TMEM232: variants seen among roughly 807,000 people sequenced by gnomAD.
The protein encoded by TMEM232 is transmembrane protein 232.
Under a neutral mutation model 78.8 loss-of-function variants are expected in TMEM232, and 80 were observed. The ratio of observed to expected loss-of-function variants is 1.01; its 90% CI spans 0.85 to 1.22. The LOEUF (loss-of-function observed/expected upper bound fraction) is 1.22, where lower values mean the gene tolerates loss of function less well. TMEM232 is among the 50% of genes most tolerant of loss of function. The pLI is 0.00. For synonymous variants in TMEM232, 297 were observed against 254.3 expected (o/e 1.17, Z -1.60); for missense variants, 881 against 742.2 (o/e 1.19, Z -2.17).
intron 1 of TMEM232, among the ~76,000 whole-genome samples, chr5:110,689,091 C>A (rs778568762): frequency 1.3e-5 from 2 of 152,086 alleles, no homozygotes; most frequent in Non-Finnish European, 2.9e-5. Context: ...CCCTCAAAAT[C>A]ATCTTCAGAG....
chr5:110,673,656 C>T (rs1791655247), intron 1 of TMEM232, among the ~76,000 whole-genome samples: 1 of 152,110 alleles, frequency 6.6e-6, no homozygotes, highest in Non-Finnish European at 1.5e-5. Context: ...AGAAGTTGGG[C>T]TGCTTTTTGA....
At chr5:110,542,290 C>T (rs1358670653) in intron 11 of TMEM232, among the ~76,000 whole-genome samples, 4 of 152,104 alleles carry the variant, frequency 2.6e-5, no homozygotes, top group African/African-American at 9.7e-5. Context: ...ATGGATGGAA[C>T]CACTTCCTTT....
At chr5:110,411,276 T>C (rs1202340396) in intron 2 of TMEM232, among the ~76,000 whole-genome samples, 1 of 152,134 alleles carries the variant, frequency 6.6e-6, no homozygotes, top group African/African-American at 2.4e-5. Context: ...TGGAGCTCTC[T>C]CCCATACCAA....
At chr5:110,614,481 A>G (rs1393357001) in intron 8 of TMEM232, among the ~76,000 whole-genome samples, 1 of 152,162 alleles carries the variant, frequency 6.6e-6, no homozygotes, top group Non-Finnish European at 1.5e-5. Context: ...TAATGTTTGC[A>G]ACCTTAAACA....
At chr5:110,494,874 A>G (rs1166090055) in intron 12 of TMEM232, among the ~76,000 whole-genome samples, 1 of 151,876 alleles carries the variant, frequency 6.6e-6, no homozygotes, top group Non-Finnish European at 1.5e-5. Flanking sequence ...AGTATTATTT[A>G]TATAAAGCAA....
chr5:110,593,140 T>G (rs1779730615), intron 10 of TMEM232, among the ~76,000 whole-genome samples: 1 of 152,148 alleles, frequency 6.6e-6, no homozygotes, highest in Non-Finnish European at 1.5e-5. Context: ...TTGTCCATAA[T>G]GTATGGCACT....
At chr5:110,717,702 C>A (rs1561562366) in intron 1 of TMEM232, among the ~76,000 whole-genome samples, 1 of 152,096 alleles carries the variant, frequency 6.6e-6, no homozygotes, top group Non-Finnish European at 1.5e-5. Context: ...GGGGTGGTTT[C>A]TTCCATGCTG....
intron 1 of TMEM232, among the ~76,000 whole-genome samples, chr5:110,689,162 G>C (rs147412979): frequency 3.8e-4 from 58 of 152,194 alleles, no homozygotes; most frequent in African/African-American, 1.3e-3. Flanking sequence ...CTCCAAAAAT[G>C]ATTGAGACTT....
intron 12 of TMEM232, among the ~76,000 whole-genome samples, chr5:110,481,914 A>G (rs1375192873): frequency 6.6e-6 from 1 of 152,204 alleles, no homozygotes; most frequent in Non-Finnish European, 1.5e-5. Context: ...AAAAGAGACA[A>G]CTGGCTCTTA....
intron 3 of TMEM232, among the ~76,000 whole-genome samples, chr5:110,397,003 A>C (rs1230929555): frequency 6.6e-6 from 1 of 152,156 alleles, no homozygotes; most frequent in Non-Finnish European, 1.5e-5. Context: ...TTTATCTCTG[A>C]TTCTGGCTGA....
At position 110,485,878 on chromosome 5, in the gene TMEM232, T is replaced by C. The variant is rs1317309131; in HGVS notation, c.1703+42710A>G. On this transcript the variant is annotated intron_variant, in intron 12 of 13. Coordinates refer to ENST00000455884, the MANE Select transcript of TMEM232 (RefSeq NM_001039763.4). ...AAATGGTAGTTCTAATTTTAGTTCT[T>C]TAAGGAATCTCCACACTGTTTCCAT... Among the ~76,000 whole-genome samples, 4 of 152,170 alleles carry C rather than the reference T, an allele frequency of 2.6e-5. No individual in the cohort carries two copies. The East Asian group carries it at 7.7e-4, about 29-fold the overall frequency.
intron 2 of TMEM232, among the ~76,000 whole-genome samples, chr5:110,402,032 G>A (rs533736406): frequency 6.6e-6 from 1 of 152,094 alleles, no homozygotes; most frequent in South Asian, 2.1e-4. Flanking sequence ...TATGTCTTTG[G>A]CACATGTCTC....
At chr5:110,563,979 G>A (rs927739785) in intron 11 of TMEM232, among the ~76,000 whole-genome samples, 5 of 151,872 alleles carry the variant, frequency 3.3e-5, no homozygotes, top group African/African-American at 1.2e-4. Context: ...TGTACTTATG[G>A]TTAAAAAGCA....
chr5:110,440,126 G>A (rs1580689505), intron 12 of TMEM232, among the ~76,000 whole-genome samples: 2 of 152,296 alleles, frequency 1.3e-5, no homozygotes, highest in Non-Finnish European at 2.9e-5. Flanking sequence ...GGAAAGATGA[G>A]TAGGAGTTAG....
intron 12 of TMEM232, among the ~76,000 whole-genome samples, chr5:110,442,787 C>T (rs1322497244): frequency 6.6e-6 from 1 of 152,038 alleles, no homozygotes. Flanking sequence ...TCCAGGTATT[C>T]AAAGGGATTT....
At chr5:110,407,838 T>C (rs529029317) in intron 2 of TMEM232, among the ~76,000 whole-genome samples, 2 of 152,012 alleles carry the variant, frequency 1.3e-5, no homozygotes, top group South Asian at 4.1e-4. Flanking sequence ...CTGACCACAA[T>C]GGAATAAAAT....
chr5:110,738,734 A>C (rs1580848237), upstream of TMEM232: 1 of 259,470 alleles, frequency 3.9e-6, no homozygotes, highest in Non-Finnish European at 7.4e-6. Context: ...GGTAGGCTCC[A>C]CCCGCGGGTT....
intron 11 of TMEM232, among the ~76,000 whole-genome samples, chr5:110,530,031 A>G (rs1486175415): frequency 2.0e-5 from 3 of 152,206 alleles, no homozygotes; most frequent in African/African-American, 7.2e-5. Flanking sequence ...ATTCATATCA[A>G]TCTTGCGATA....
chr5:110,422,218 C>T lies in TMEM232; in HGVS notation c.1798-1462G>A, dbSNP rs547755124. Among the ~76,000 whole-genome samples the T allele has an allele frequency of 5.9e-5, 9 of 152,104 alleles. No individual in the cohort carries two copies. The East Asian group carries it at 1.2e-3, about 20-fold the overall frequency. On this transcript the variant is annotated intron_variant, in intron 13 of 13. Transcript: ENST00000455884. ...CTAATCTATCCTGTATGAAATATTT[C>T]GATAGATCTCATTATTTTGTTTTTT...
Sources: allele counts gnomAD v4.1 joint callset (sites outside exome capture counted in the v4.1 genomes callset), GRCh38; gene constraint gnomAD v4.1.1; transcripts MANE v1.5; gene names NCBI Gene and HGNC (gene_info 2026-07-23, HGNC 2026-07-21).